The following RABGAP1 variants were observed in gnomAD, a reference collection of about 807,000 sequenced individuals.
RABGAP1 encodes the protein rab GTPase-activating protein 1.
RABGAP1 carries 23 observed loss-of-function variants against 137.6 expected under a neutral mutation model. That is an observed-to-expected ratio of 0.17 (90% CI 0.12 to 0.24). The LOEUF is 0.24. RABGAP1 is among the 10% of genes least tolerant of loss of function. The probability of loss-of-function intolerance (pLI) is 1.00; values close to 1 mark genes in which losing one functional copy is unlikely to be tolerated. For synonymous variants in RABGAP1, 451 were observed against 450.7 expected (o/e 1.00, Z -0.01); for missense variants, 906 against 1,275.8 (o/e 0.71, Z 4.42).
intron 10 of RABGAP1, among the ~76,000 whole-genome samples, chr9:122,999,693 G>A (rs1208855609): frequency 2.6e-5 from 4 of 151,232 alleles, no homozygotes; most frequent in Non-Finnish European, 5.9e-5. Context: ...TTAAATTTAT[G>A]CTTTTACTTT....
chr9:123,026,005 C>CTT (rs59188440), intron 13 of RABGAP1, among the ~76,000 whole-genome samples: 1,873 of 117,132 alleles, frequency 0.016, 53 homozygotes, highest in East Asian at 0.08. Context: ...AAAACATATT[C>CTT]TTTTTTTTTT....
intron 6 of RABGAP1, among the ~76,000 whole-genome samples, chr9:122,992,665 A>G (rs1335736525): frequency 6.7e-6 from 1 of 148,780 alleles, no homozygotes; most frequent in South Asian, 2.1e-4. Context: ...ATAATGATCA[A>G]TATACCTAAA....
At position 123,002,155 on chromosome 9, in the gene RABGAP1, G is replaced by A. The variant is rs552664018; in HGVS notation, c.1374+3389G>A. On this transcript the variant is annotated intron_variant, in intron 10 of 25. Coordinates refer to ENST00000373647, the MANE Select transcript of RABGAP1 (RefSeq NM_012197.4). ...TGTCTCTACTAAAAATACAAAATTA[G>A]CCAGGCGTAGTGGCGCATGCCTGTA... Among the ~76,000 whole-genome samples the A allele has an allele frequency of 2.0e-5, 3 of 152,090 alleles. No homozygotes were observed. The South Asian group carries it at 6.2e-4, about 32-fold the overall frequency.
At chr9:123,000,666 G>A (rs981618794) in intron 10 of RABGAP1, among the ~76,000 whole-genome samples, 2 of 151,980 alleles carry the variant, frequency 1.3e-5, no homozygotes, top group African/African-American at 4.8e-5. Flanking sequence ...ATCATTTATA[G>A]CAATAGCCTT....
At chr9:122,940,860 T>TG (rs1366470878), upstream of RABGAP1, 1 of 152,420 alleles carries the variant, frequency 6.6e-6, no homozygotes, top group Non-Finnish European at 1.5e-5. Context: ...AAAGCCCAGG[T>TG]GGGGCTCGGA....
intron 13 of RABGAP1, among the ~76,000 whole-genome samples, chr9:123,057,342 G>GGTT (rs2033763303): frequency 6.7e-6 from 1 of 149,686 alleles, no homozygotes; most frequent in Non-Finnish European, 1.5e-5. Context: ...CAGACGGGGC[G>GGTT]GCCGGGCAGA....
chr9:123,018,056 C>T (rs1000641424), intron 12 of RABGAP1, among the ~76,000 whole-genome samples: 9 of 152,138 alleles, frequency 5.9e-5, no homozygotes, highest in South Asian at 4.1e-4. Context: ...TGCAGTGGCG[C>T]GATCTCGGCT....
chr9:122,988,800 G>A (rs1487182190), intron 4 of RABGAP1, among the ~76,000 whole-genome samples: 2 of 151,870 alleles, frequency 1.3e-5, no homozygotes, highest in Non-Finnish European at 2.9e-5. Flanking sequence ...AAAATTAGCC[G>A]GGCATGGTGG....
chr9:122,964,187 A>G (rs1588177077), intron 2 of RABGAP1, among the ~76,000 whole-genome samples: 1 of 152,200 alleles, frequency 6.6e-6, no homozygotes, highest in African/African-American at 2.4e-5. Context: ...CTGGAATAGA[A>G]AAGTAGGGAA....
chr9:123,022,470 G>A (rs182464582), intron 13 of RABGAP1, among the ~76,000 whole-genome samples: 1 of 151,680 alleles, frequency 6.6e-6, no homozygotes, highest in Non-Finnish European at 1.5e-5. Context: ...GCAGTGGTAC[G>A]ATCTCGGCTC....
At chr9:123,049,747 G>C (rs2033376778) in intron 13 of RABGAP1, among the ~76,000 whole-genome samples, 1 of 152,176 alleles carries the variant, frequency 6.6e-6, no homozygotes, top group Non-Finnish European at 1.5e-5. Flanking sequence ...TACAGATTTT[G>C]TCCCTTGGCT....
intron 21 of RABGAP1, 32 bp downstream of exon 21, chr9:123,090,417 C>T: frequency 1.3e-6 from 2 of 1,497,114 alleles, no homozygotes; most frequent in Non-Finnish European, 1.8e-6. Context: ...GGAAAGATCT[C>T]ACTGAGACAC....
chr9:123,018,373 T>G (rs983148570), intron 12 of RABGAP1, among the ~76,000 whole-genome samples: 1 of 152,212 alleles, frequency 6.6e-6, no homozygotes, highest in South Asian at 2.1e-4. Flanking sequence ...ATTAAGCTAG[T>G]AAGGTTAGCA....
rs144539693 is a variant in RABGAP1, at chr9:123,004,593, T to A, written c.1375-5761T>A. Reference sequence around the variant, plus strand: ...CCACTATGCCCAGCCAATAACTAATTAACTAATATTTTTAGTATCTGTTGG... The same window carrying A: ...CCACTATGCCCAGCCAATAACTAATAAACTAATATTTTTAGTATCTGTTGG... On this transcript the variant is annotated intron_variant, in intron 10 of 25. Transcript: ENST00000373647. Among the ~76,000 whole-genome samples, 212 of 152,318 alleles carry A rather than the reference T, an allele frequency of 1.4e-3. 1 individual carries two copies. Among genetic ancestry groups the A allele is most frequent in the African/African-American group, 4.8e-3 (199 of 41,568 alleles).
At chr9:122,978,511 T>G (rs1003648915) in intron 2 of RABGAP1, among the ~76,000 whole-genome samples, 14 of 152,198 alleles carry the variant, frequency 9.2e-5, no homozygotes, top group Non-Finnish European at 1.9e-4. Flanking sequence ...GGCTCATTCC[T>G]GTAATCTCAG....
At chr9:122,964,502 A>G (rs1013642795) in intron 2 of RABGAP1, among the ~76,000 whole-genome samples, 2 of 152,224 alleles carry the variant, frequency 1.3e-5, no homozygotes, top group African/African-American at 2.4e-5. Context: ...AAAGCATTTG[A>G]CGAAAATCTA....
At chr9:122,943,235 T>C (rs1056043079) in intron 1 of RABGAP1, among the ~76,000 whole-genome samples, 1 of 151,894 alleles carries the variant, frequency 6.6e-6, no homozygotes, top group African/African-American at 2.4e-5. Context: ...GCCTAGCTAA[T>C]TTTTTGTATT....
rs376818616 is a variant in RABGAP1 at position 123,076,645 on chromosome 9, T to C, written c.2307T>C (p.Asp769=). 11 of 1,596,188 alleles carry C rather than the reference T, an allele frequency of 6.9e-6. No individual in the cohort carries two copies. Among genetic ancestry groups the C allele is most frequent in the Non-Finnish European group, 8.5e-6 (10 of 1,173,138 alleles). The change falls in exon 19 of 26, where the codon GAT becomes GAC. Residue 769 remains aspartate, a synonymous_variant. Coordinates refer to ENST00000373647, the MANE Select transcript of RABGAP1 (RefSeq NM_012197.4). The part of the protein sequence containing the change: ...VALGLLKTSK[D]DLLLTDFEGA... The stretch of plus-strand genomic sequence containing the variant: ...GTATTTTCTTCAAGACTTCGAAAGA[T>C]GACCTGCTGTTGACAGACTTTGAAG...
At chr9:122,978,107 C>A (rs1327522517) in intron 2 of RABGAP1, among the ~76,000 whole-genome samples, 1 of 151,346 alleles carries the variant, frequency 6.6e-6, no homozygotes, top group East Asian at 1.9e-4. Context: ...TCTCATGTAA[C>A]GACCAGCACA....
Sources: gnomAD v4.1 joint callset for allele counts (sites outside exome capture counted in the v4.1 genomes callset) on GRCh38, gnomAD v4.1.1 for gene constraint, MANE v1.5 for transcripts, NCBI Gene and HGNC (gene_info 2026-07-23, HGNC 2026-07-21) for gene names.